AKR1C8: variants seen among roughly 807,000 people sequenced by gnomAD.
AKR1C8 encodes the protein aldo-keto reductase family 1 member C8, also known as aldo-keto reductase family 1 member C-like protein 1.
chr10:5,162,819 T>C, the AKR1C8 span: 1 of 492,414 alleles, frequency 2.0e-6, no homozygotes, highest in South Asian at 1.6e-5. Context: ...GAACTTATAG[T>C]GGCCTCTGGC....
chr10:5,164,976 T>C, the AKR1C8 span, among the ~76,000 whole-genome samples: 1 of 152,182 alleles, frequency 6.6e-6, no homozygotes, highest in African/African-American at 2.4e-5. Context: ...GTTGTGGATA[T>C]ATTCTTATTG....
the AKR1C8 span, chr10:5,161,767 C>T: frequency 1.9e-6 from 1 of 534,668 alleles, no homozygotes; most frequent in African/African-American, 1.9e-5. Context: ...CAGGAAGAAC[C>T]CTGGAAACCA....
chr10:5,157,791 G>A, the AKR1C8 span: 166 of 470,796 alleles, frequency 3.5e-4, 1 homozygote, highest in Admixed American at 1.0e-3. Context: ...GTGGGCAGTC[G>A]GGATCCACCC....
At chr10:5,134,944 A>G in the AKR1C8 span, among the ~76,000 whole-genome samples, 1 of 152,210 alleles carries the variant, frequency 6.6e-6, no homozygotes, top group African/African-American at 2.4e-5. Context: ...TAAGCAGTAC[A>G]CGACCATATG....
the AKR1C8 span, among the ~76,000 whole-genome samples, chr10:5,176,717 G>A: frequency 6.6e-6 from 1 of 152,114 alleles, no homozygotes; most frequent in African/African-American, 2.4e-5. Context: ...TGGATTCCTA[G>A]GTATTTTATT....
the AKR1C8 span, among the ~76,000 whole-genome samples, chr10:5,165,298 G>T: frequency 6.6e-6 from 1 of 152,210 alleles, no homozygotes; most frequent in East Asian, 1.9e-4. Context: ...TATAGGAACA[G>T]CCTATTAAGC....
chr10:5,134,908 G>GA, the AKR1C8 span, among the ~76,000 whole-genome samples: 9 of 151,942 alleles, frequency 5.9e-5, no homozygotes, highest in African/African-American at 2.2e-4. Flanking sequence ...ATAAACAGAA[G>GA]AAAAAAACAG....
chr10:5,161,886 G>C, the AKR1C8 span: 13 of 534,488 alleles, frequency 2.4e-5, no homozygotes, highest in Admixed American at 2.3e-4. Flanking sequence ...GAATAATGAA[G>C]AGATCTACAT....
the AKR1C8 span, among the ~76,000 whole-genome samples, chr10:5,124,117 G>A: frequency 1.3e-5 from 2 of 152,138 alleles, no homozygotes; most frequent in African/African-American, 2.4e-5. Flanking sequence ...CTGGGATAGG[G>A]TAGGATTCTG....
At chr10:5,122,395 C>T in the AKR1C8 span, among the ~76,000 whole-genome samples, 1 of 152,156 alleles carries the variant, frequency 6.6e-6, no homozygotes, top group Non-Finnish European at 1.5e-5. Context: ...AAGATGTGCA[C>T]TCATCAATCT....
At chr10:5,181,023 T>A in the AKR1C8 span, among the ~76,000 whole-genome samples, 1,278 of 152,264 alleles carry the variant, frequency 8.4e-3, 16 homozygotes, top group African/African-American at 0.029. Flanking sequence ...GGCACTCCCT[T>A]GTGAGATGAA....
At chr10:5,117,515 C>CA in the AKR1C8 span, among the ~76,000 whole-genome samples, 1 of 152,244 alleles carries the variant, frequency 6.6e-6, no homozygotes, top group Non-Finnish European at 1.5e-5. Flanking sequence ...TAAGATCACC[C>CA]ACTCAGGACA....
chr10:5,139,587 T>C, the AKR1C8 span, among the ~76,000 whole-genome samples: 1 of 152,186 alleles, frequency 6.6e-6, no homozygotes, highest in Non-Finnish European at 1.5e-5. Context: ...CTGGGAAAAC[T>C]GGCTAGCCAT....
the AKR1C8 span, among the ~76,000 whole-genome samples, chr10:5,175,809 C>G: frequency 6.9e-6 from 1 of 143,994 alleles, no homozygotes; most frequent in Admixed American, 6.9e-5. Context: ...ACTTCGCCCA[C>G]TTTTTGATGG....
chr10:5,146,819 C>G, the AKR1C8 span, among the ~76,000 whole-genome samples: 7 of 152,094 alleles, frequency 4.6e-5, no homozygotes, highest in Non-Finnish European at 7.4e-5. Context: ...AAGCCAATGT[C>G]TAGAAGGGTT....
At chr10:5,139,144 T>G in the AKR1C8 span, among the ~76,000 whole-genome samples, 35 of 152,072 alleles carry the variant, frequency 2.3e-4, no homozygotes, top group East Asian at 7.8e-4. Context: ...CACTGCTCAA[T>G]GAAATAAAAG....
the AKR1C8 span, among the ~76,000 whole-genome samples, chr10:5,176,918 C>G: frequency 5.9e-5 from 9 of 152,152 alleles, no homozygotes; most frequent in Admixed American, 5.9e-4. Context: ...ATCATGTCGT[C>G]TGCAAACAGG....
At chr10:5,156,509 T>C in the AKR1C8 span, among the ~76,000 whole-genome samples, 1 of 145,702 alleles carries the variant, frequency 6.9e-6, no homozygotes, top group African/African-American at 2.5e-5. Flanking sequence ...CAGGACACAA[T>C]TTCATGAAAG....
At chr10:5,147,477 A>G in the AKR1C8 span, among the ~76,000 whole-genome samples, 130 of 152,284 alleles carry the variant, frequency 8.5e-4, no homozygotes, top group African/African-American at 2.9e-3. Flanking sequence ...TTGCTTTTGA[A>G]GTACAACATC....
Sources: gnomAD v4.1 joint callset for allele counts (sites outside exome capture counted in the v4.1 genomes callset) on GRCh38, gnomAD v4.1.1 for gene constraint, MANE v1.5 for transcripts, NCBI Gene and HGNC (gene_info 2026-07-23, HGNC 2026-07-21) for gene names.